WDFY1: variants seen among roughly 807,000 people sequenced by gnomAD.
The protein encoded by WDFY1 is WD repeat and FYVE domain-containing protein 1.
Under a neutral mutation model 56.4 loss-of-function variants are expected in WDFY1, and 32 were observed. That is an observed-to-expected ratio of 0.57 (90% confidence interval 0.43 to 0.76). The LOEUF (loss-of-function observed/expected upper bound fraction) is 0.76. Ranked by LOEUF, WDFY1 falls within the 30% of genes least tolerant of loss-of-function variation. The pLI is 0.00. For missense variants in WDFY1, 480 were observed against 545.7 expected (o/e 0.88, Z 1.20); for synonymous variants, 192 against 197.3 (o/e 0.97, Z 0.23).
Position 223,897,369 on chromosome 2 carries a change from TATATATATATATATATA to T in WDFY1, c.598+1572_598+1588del, listed in dbSNP as rs1693402364. Among the ~76,000 whole-genome samples the T allele has an allele frequency of 2.3e-4, 15 of 66,072 alleles. 1 individual carries two copies. Among genetic ancestry groups the T allele is most frequent in the South Asian group, 8.7e-4 (2 of 2,310 alleles). 43.3% of individuals were successfully genotyped at this position (66,072 alleles called of 152,430 possible). ...AATTTCGCATATATATATATATATA[TATATATATATATATATA>T]TATATTTTTTAAGACGGAGTCTCTC... On this transcript the variant is annotated intron_variant, in intron 6 of 11. Transcript: ENST00000233055.
chr2:223,925,359 T>C (rs2106096713), intron 1 of WDFY1, among the ~76,000 whole-genome samples: 1 of 152,312 alleles, frequency 6.6e-6, no homozygotes, highest in South Asian at 2.1e-4. Flanking sequence ...TACACTATAG[T>C]CTGTTAAGTG....
intron 1 of WDFY1, among the ~76,000 whole-genome samples, chr2:223,939,546 G>A (rs1689261101): frequency 6.6e-6 from 1 of 152,154 alleles, no homozygotes; most frequent in Non-Finnish European, 1.5e-5. Flanking sequence ...ATGTGGCTAG[G>A]GAAGCCTCAC....
chr2:223,895,610 A>C lies in WDFY1; in HGVS notation c.619T>G (p.Trp207Gly). The change falls in exon 7 of 12, where the codon TGG becomes GGG. Residue 207 changes from tryptophan to glycine, a missense_variant. Trp to Gly is a radical substitution (Grantham distance 184). Coordinates refer to ENST00000233055, the MANE Select transcript of WDFY1 (RefSeq NM_020830.5). Reference sequence around the variant, plus strand: ...AAGAGTAACCGCTGAATAGGGTCCCACCAGAGGCAGGCGACACTACCTAGG... The same window carrying C: ...AAGAGTAACCGCTGAATAGGGTCCCCCCAGAGGCAGGCGACACTACCTAGG... ...GHEGSVACLW[W>G]DPIQRLLFSG... 6.2e-7 allele frequency: 1 copy of C among 1,613,950 alleles called. No homozygotes were observed. The highest frequency in any genetic ancestry group is 8.5e-7 in the Non-Finnish European group (1 of 1,179,934).
At chr2:223,903,641 G>A (rs74971412) in intron 4 of WDFY1, among the ~76,000 whole-genome samples, 7,522 of 32,578 alleles carry the variant, frequency 0.23, 450 homozygotes, top group East Asian at 0.41. Flanking sequence ...ACACACACAC[G>A]TTTTTTGTTT....
At chr2:223,909,514 C>T (rs902872150) in intron 3 of WDFY1, among the ~76,000 whole-genome samples, 3 of 152,084 alleles carry the variant, frequency 2.0e-5, no homozygotes, top group African/African-American at 4.8e-5. Context: ...CTCCGGGACT[C>T]GTTTTGTTTA....
chr2:223,927,897 T>A (rs1009384671), intron 1 of WDFY1, among the ~76,000 whole-genome samples: 1 of 151,688 alleles, frequency 6.6e-6, no homozygotes, highest in African/African-American at 2.4e-5. Context: ...TATTGTTGTG[T>A]CTCAGGGAAT....
At chr2:223,894,155 T>G in intron 8 of WDFY1, 79 bp downstream of exon 8, 1 of 1,414,414 alleles carries the variant, frequency 7.1e-7, no homozygotes, top group Non-Finnish European at 9.9e-7. Context: ...CATTTACAGC[T>G]TGCGGGGTGA....
Position 223,945,143 on chromosome 2 carries a change from C to T in WDFY1, c.137+5G>A. ...CGGGCCGCCCCGGCTGCGCCCGGGCCCTACCTGTCCTCGCTGGCCGTGATC... is the reference window on the plus strand; with the variant it reads ...CGGGCCGCCCCGGCTGCGCCCGGGCTCTACCTGTCCTCGCTGGCCGTGATC... On this transcript the variant is annotated splice_donor_5th_base_variant and intron_variant, in intron 1 of 11. Transcript: ENST00000233055. 6.3e-7 allele frequency: 1 copy of T among 1,588,266 alleles called. No individual in the cohort carries two copies. The highest frequency in any genetic ancestry group is 1.1e-5 in the South Asian group (1 of 89,226).
chr2:223,944,063 C>G (rs1689360373), intron 1 of WDFY1, among the ~76,000 whole-genome samples: 2 of 152,116 alleles, frequency 1.3e-5, no homozygotes, highest in South Asian at 4.1e-4. Flanking sequence ...ATAAATGCAT[C>G]CAAATATTTT....
chr2:223,907,290 T>C (rs1171401809), intron 3 of WDFY1, among the ~76,000 whole-genome samples: 1 of 152,160 alleles, frequency 6.6e-6, no homozygotes, highest in Non-Finnish European at 1.5e-5. Flanking sequence ...AATACTATTA[T>C]TGATCAATGC....
chr2:223,901,372 A>C (rs1693505947), intron 4 of WDFY1, 39 bp from the exon 5 acceptor site: 1 of 1,611,138 alleles, frequency 6.2e-7, no homozygotes, highest in Admixed American at 1.7e-5. Context: ...CATCTCCAGA[A>C]ACAGCACTCT....
At position 223,890,159 on chromosome 2, in the gene WDFY1, T is replaced by G. The variant is rs80306174; in HGVS notation, c.831+4075A>C. On this transcript the variant is annotated intron_variant, in intron 8 of 11. Coordinates refer to ENST00000233055, the MANE Select transcript of WDFY1 (RefSeq NM_020830.5). ...GCTCTTGCCTCAGGGAGCATGATTC[T>G]GTTTACAGGTTTAAGAAAGAATATT... Among the ~76,000 whole-genome samples the G allele has an allele frequency of 8.4e-3, 1,273 of 152,298 alleles. 8 individuals are homozygous for G. Among genetic ancestry groups the G allele is most frequent in the Non-Finnish European group, 0.012 (787 of 68,022 alleles).
chr2:223,897,488 C>T (rs1053817861), intron 6 of WDFY1, among the ~76,000 whole-genome samples: 18 of 151,080 alleles, frequency 1.2e-4, no homozygotes, highest in Admixed American at 4.0e-4. Flanking sequence ...AAGAGATTCT[C>T]CTGCCTCAGC....
chr2:223,925,101 G>C (rs1164107304), intron 1 of WDFY1, among the ~76,000 whole-genome samples: 2 of 151,420 alleles, frequency 1.3e-5, no homozygotes, highest in African/African-American at 4.9e-5. Flanking sequence ...ATATGTTAAA[G>C]AATGAAATGG....
intron 3 of WDFY1, among the ~76,000 whole-genome samples, chr2:223,907,485 T>C (rs1693616988): frequency 6.6e-6 from 1 of 152,180 alleles, no homozygotes; most frequent in South Asian, 2.1e-4. Flanking sequence ...TAATGCTAAA[T>C]TGGATTTGCA....
At chr2:223,933,621 G>A (rs1039980740) in intron 1 of WDFY1, among the ~76,000 whole-genome samples, 1 of 151,902 alleles carries the variant, frequency 6.6e-6, no homozygotes, top group Non-Finnish European at 1.5e-5. Flanking sequence ...AGGGGCTTGA[G>A]ACCAGCCTGG....
At chr2:223,894,139 G>C (rs1693322282) in intron 8 of WDFY1, 95 bp downstream of exon 8, 1 of 1,220,756 alleles carries the variant, frequency 8.2e-7, no homozygotes, top group Non-Finnish European at 1.2e-6. Context: ...TCTGCACCTG[G>C]ACCAGCATTT....
intron 1 of WDFY1, among the ~76,000 whole-genome samples, chr2:223,927,567 A>C (rs1468301221): frequency 6.6e-6 from 1 of 152,246 alleles, no homozygotes; most frequent in African/African-American, 2.4e-5. Context: ...CTTTGGCTTA[A>C]GAGAATGTTG....
intron 1 of WDFY1, among the ~76,000 whole-genome samples, chr2:223,923,656 G>A (rs1487093994): frequency 1.3e-5 from 2 of 152,076 alleles, no homozygotes; most frequent in Admixed American, 6.6e-5. Flanking sequence ...AGCTACTCGG[G>A]AGGCTGAGGC....
Sources: gnomAD v4.1 joint callset for allele counts (sites outside exome capture counted in the v4.1 genomes callset) on GRCh38, gnomAD v4.1.1 for gene constraint, MANE v1.5 for transcripts, NCBI Gene and HGNC (gene_info 2026-07-23, HGNC 2026-07-21) for gene names.